Variants in HEATR4 observed in about 807,000 individuals in gnomAD.
The protein encoded by HEATR4 is HEAT repeat-containing protein 4.
A neutral mutation model predicts 108.8 loss-of-function variants in HEATR4; 95 were observed. The ratio of observed to expected loss-of-function variants is 0.87; its 90% CI spans 0.74 to 1.04. The LOEUF (loss-of-function observed/expected upper bound fraction) is 1.04, where lower values mean the gene tolerates loss of function less well. Among genes scored for constraint, HEATR4 ranks in the 50% least tolerant of loss-of-function variants. The pLI, the probability that HEATR4 is intolerant of heterozygous loss-of-function variation, is 0.00. For synonymous variants in HEATR4, 443 were observed against 459.4 expected (o/e 0.96, Z 0.46); for missense variants, 1,152 against 1,253.8 (o/e 0.92, Z 1.23).
chr14:73,591,067 A>C, the HEATR4 span, among the ~76,000 whole-genome samples: 5 of 143,640 alleles, frequency 3.5e-5, no homozygotes, highest in Non-Finnish European at 1.5e-5. Context: ...ACAGGGTGAC[A>C]CCTCCTCTCT....
At chr14:73,612,943 G>C in the HEATR4 span, 3 of 1,290,988 alleles carry the variant, frequency 2.3e-6, no homozygotes, top group Non-Finnish European at 3.1e-6. Context: ...GCCTGGCGCA[G>C]AACAAGCGCG....
intron 5 of HEATR4, among the ~76,000 whole-genome samples, chr14:73,515,552 C>T (rs1163440315): frequency 1.3e-5 from 2 of 150,928 alleles, no homozygotes; most frequent in East Asian, 1.9e-4. Context: ...TGGTGGTGGG[C>T]GCCTGTAATC....
chr14:73,518,412 GAAAA>G (rs796658758), intron 5 of HEATR4, among the ~76,000 whole-genome samples: 1 of 108,776 alleles, frequency 9.2e-6, no homozygotes, highest in Non-Finnish European at 2.0e-5. Flanking sequence ...TCCAAAAAAA[GAAAA>G]AAAAAAAAAA....
chr14:73,603,170 TG>T, the HEATR4 span, among the ~76,000 whole-genome samples: 1 of 152,192 alleles, frequency 6.6e-6, no homozygotes. Context: ...GCTGGGGGCG[TG>T]GTTAATTCCA....
chr14:73,519,218 C>T, intron 4 of HEATR4, 55 bp from the exon 5 acceptor site: 1 of 1,543,436 alleles, frequency 6.5e-7, no homozygotes, highest in Non-Finnish European at 8.8e-7. Context: ...TTTCCTTTCT[C>T]CCTGGGTTCC....
intron 3 of HEATR4, among the ~76,000 whole-genome samples, chr14:73,521,246 C>T (rs911859690): frequency 2.0e-5 from 3 of 152,122 alleles, no homozygotes; most frequent in Non-Finnish European, 1.5e-5. Context: ...CTACAGCTGT[C>T]CTGCCTGGCT....
Position 73,522,670 on chromosome 14 carries a change from G to A in HEATR4, c.483C>T (p.Pro161=), listed in dbSNP as rs1322673813. 3 of 1,614,196 alleles carry A rather than the reference G, an allele frequency of 1.9e-6. No homozygotes were observed. Among genetic ancestry groups the A allele is most frequent in the Admixed American group, 1.7e-5 (1 of 60,024 alleles). ...SKPASTVREA[P]RPLIHHPCMH... The stretch of plus-strand genomic sequence containing the variant: ...TGCAGGGATGATGGATGAGAGGGCG[G>A]GGTGCTTCCCGGACGGTGCTGGCTG... Residue 161 remains proline (P), a synonymous_variant, in exon 3 of 18, where the codon CCC becomes CCT. Transcript: ENST00000553558.
At chr14:73,493,317 G>A (rs2140251875) in intron 16 of HEATR4, 193 bp from the exon 17 acceptor site, 1 of 562,574 alleles carries the variant, frequency 1.8e-6, no homozygotes, top group Non-Finnish European at 3.2e-6. Context: ...TTCATGGGCG[G>A]GTCGGGGTCA....
At position 73,506,385 on chromosome 14, in the gene HEATR4, T is replaced by G. The variant is rs191350723; in HGVS notation, c.1986+82A>C. ...GATCTGTTTGGTAAGAATGGAATAA[T>G]ACATAGCAGCAAAAAGTAGAAGGCC... is the stretch of plus-strand genomic sequence containing the variant. On this transcript the variant is annotated intron_variant, in intron 10 of 17. Transcript: ENST00000553558. 1.3e-4 allele frequency: 122 copies of G among 912,574 alleles called. No individual in the cohort carries two copies. In the African/African-American group the frequency reaches 1.9e-3, roughly 14 times the overall value. 56.5% of individuals were successfully genotyped at this position (912,574 alleles called of 1,614,324 possible).
chr14:73,606,070 C>A, the HEATR4 span, among the ~76,000 whole-genome samples: 1 of 152,152 alleles, frequency 6.6e-6, no homozygotes, highest in Non-Finnish European at 1.5e-5. Context: ...TCCTACCTAA[C>A]CAATCAGCAC....
intron 10 of HEATR4, among the ~76,000 whole-genome samples, chr14:73,503,625 CTCTTT>C (rs1886621558): frequency 6.6e-6 from 1 of 151,948 alleles, no homozygotes; most frequent in African/African-American, 2.4e-5. Context: ...TCCTTCCTAT[CTCTTT>C]TATTAAAAAT....
upstream of HEATR4, among the ~76,000 whole-genome samples, chr14:73,561,238 C>T (rs1022199355): frequency 1.1e-4 from 17 of 151,640 alleles, no homozygotes; most frequent in Admixed American, 2.6e-4. Context: ...TAGTGGCAGG[C>T]GCCTGTAATC....
intron 17 of HEATR4, chr14:73,491,909 C>T: frequency 6.2e-7 from 1 of 1,612,932 alleles, no homozygotes; most frequent in Non-Finnish European, 8.5e-7. Flanking sequence ...CTCCCTGCGT[C>T]TCCTCTGTCC....
chr14:73,520,779 A>G (rs1887924588), intron 4 of HEATR4, 73 bp downstream of exon 4: 3 of 1,398,776 alleles, frequency 2.1e-6, no homozygotes, highest in Non-Finnish European at 3.0e-6. Flanking sequence ...AACTGTTTCC[A>G]GCCCCCAGCA....
rs11851909 is a variant in HEATR4 at position 73,486,185 on chromosome 14, A to G, written c.2844+6881T>C. Among the ~76,000 whole-genome samples the G allele has an allele frequency of 5.0e-3, 756 of 152,276 alleles. 10 individuals carry two copies. The highest frequency in any genetic ancestry group is 0.017 in the African/African-American group (723 of 41,534). On this transcript the variant is annotated intron_variant, in intron 17 of 17. Coordinates refer to ENST00000553558, the MANE Select transcript of HEATR4 (RefSeq NM_001220484.1). ...CCTTGGTTATGGGGTTTCATTGTAC[A>G]TTGTAGAATGTTTTACAGCATCCCT...
the HEATR4 span, among the ~76,000 whole-genome samples, chr14:73,633,008 T>TC: frequency 2.3e-3 from 62 of 27,400 alleles, no homozygotes; most frequent in Non-Finnish European, 3.9e-3. Context: ...TCTCTCTCTC[T>TC]TTTTTTTTTT....
chr14:73,590,111 C>G, the HEATR4 span, among the ~76,000 whole-genome samples: 23 of 152,322 alleles, frequency 1.5e-4, no homozygotes, highest in South Asian at 4.1e-3. Context: ...CAAGTTGCCA[C>G]TGCTAGCTCT....
the HEATR4 span, chr14:73,569,474 C>T: frequency 3.7e-6 from 6 of 1,613,038 alleles, 1 homozygote; most frequent in African/African-American, 8.0e-5. Context: ...GCTGCTGGGA[C>T]GAACCGGTGC....
chr14:73,537,831 A>G, intron 1 of HEATR4: 1 of 1,209,890 alleles, frequency 8.3e-7, no homozygotes, highest in Non-Finnish European at 1.1e-6. Flanking sequence ...GTGCGGCGCG[A>G]GCCGGTGCGC....
Sources: gnomAD v4.1 joint callset for allele counts (sites outside exome capture counted in the v4.1 genomes callset) on GRCh38, gnomAD v4.1.1 for gene constraint, MANE v1.5 for transcripts, NCBI Gene and HGNC (gene_info 2026-07-23, HGNC 2026-07-21) for gene names.